PRKG1: variants seen among roughly 807,000 people sequenced by gnomAD.
PRKG1 encodes the protein protein kinase cGMP-dependent 1, also known as cGMP-dependent protein kinase 1.
Under a neutral mutation model 88.1 loss-of-function variants are expected in PRKG1, and 35 were observed. That is an observed-to-expected ratio of 0.40 (90% CI 0.30 to 0.53). The LOEUF is 0.53. PRKG1 is among the 20% of genes least tolerant of loss of function. The probability of loss-of-function intolerance (pLI) is 0.59; values close to 1 mark genes in which losing one functional copy is unlikely to be tolerated. For synonymous variants in PRKG1, 303 were observed against 292.5 expected, an observed-to-expected ratio of 1.04 and a Z score of -0.37; for missense variants, 540 against 839.8, an observed-to-expected ratio of 0.64 and a Z score of 4.41.
chr10:52,193,739 A>C (rs1409960390), intron 9 of PRKG1, among the ~76,000 whole-genome samples: 1 of 152,194 alleles, frequency 6.6e-6, no homozygotes, highest in Non-Finnish European at 1.5e-5. Flanking sequence ...CAAAAGGCAA[A>C]TCTTCCTTTT....
At chr10:52,127,219 G>C (rs1349398738) in intron 7 of PRKG1, among the ~76,000 whole-genome samples, 2 of 152,142 alleles carry the variant, frequency 1.3e-5, no homozygotes, top group African/African-American at 4.8e-5. Flanking sequence ...AATCTTTTGA[G>C]CCTAGGTGAG....
intron 1 of PRKG1, among the ~76,000 whole-genome samples, chr10:51,126,749 G>C (rs1728765857): frequency 6.6e-6 from 1 of 151,904 alleles, no homozygotes; most frequent in African/African-American, 2.4e-5. Flanking sequence ...AAACAGCATG[G>C]TACTGGTACC....
intron 2 of PRKG1, among the ~76,000 whole-genome samples, chr10:51,222,402 G>T (rs1196685470): frequency 6.6e-6 from 1 of 151,900 alleles, no homozygotes; most frequent in Non-Finnish European, 1.5e-5. Context: ...TCATCTTGGT[G>T]GTTTAATTGG....
intron 2 of PRKG1, among the ~76,000 whole-genome samples, chr10:51,430,966 A>G (rs1357545065): frequency 6.6e-6 from 1 of 152,226 alleles, no homozygotes; most frequent in Non-Finnish European, 1.5e-5. Context: ...TGGGCATGAG[A>G]GATCTTTTCT....
intron 2 of PRKG1, among the ~76,000 whole-genome samples, chr10:51,213,016 G>T (rs565962389): frequency 6.6e-6 from 1 of 152,082 alleles, no homozygotes; most frequent in Non-Finnish European, 1.5e-5. Context: ...ACATGCACAC[G>T]TATGTTTATT....
intron 1 of PRKG1, among the ~76,000 whole-genome samples, chr10:51,084,445 T>C (rs1417513975): frequency 6.6e-6 from 1 of 152,200 alleles, no homozygotes; most frequent in Non-Finnish European, 1.5e-5. Flanking sequence ...TACCAAGATA[T>C]ACTACTTTCA....
chr10:52,211,445 G>A lies in PRKG1; in HGVS notation c.1077-40125G>A, dbSNP rs72787314. 8.5e-4 allele frequency among the ~76,000 whole-genome samples: 129 copies of A among 152,188 alleles called. 1 individual carries two copies. Among genetic ancestry groups the A allele is most frequent in the Admixed American group, 3.6e-3 (55 of 15,284 alleles). On this transcript the variant is annotated intron_variant, in intron 9 of 17. Coordinates refer to ENST00000373980, the MANE Select transcript of PRKG1 (RefSeq NM_006258.4). ...AAGGACAGCCTATAACCAGCTGTCCGGTTGTAGGTTTTGTTTGCGAGTTCA... is the reference window on the plus strand; with the variant it reads ...AAGGACAGCCTATAACCAGCTGTCCAGTTGTAGGTTTTGTTTGCGAGTTCA...
At chr10:51,807,298 A>C (rs998602606) in intron 4 of PRKG1, among the ~76,000 whole-genome samples, 1 of 152,168 alleles carries the variant, frequency 6.6e-6, no homozygotes, top group African/African-American at 2.4e-5. Context: ...CATTAAATCA[A>C]ATGTAGGAAC....
At chr10:51,279,580 A>G (rs1202321872) in intron 2 of PRKG1, among the ~76,000 whole-genome samples, 4 of 152,128 alleles carry the variant, frequency 2.6e-5, no homozygotes, top group African/African-American at 9.7e-5. Flanking sequence ...GTGCATATAT[A>G]TTTAGGATAG....
chr10:51,846,975 A>G lies in PRKG1; in HGVS notation c.698+42285A>G, dbSNP rs956725992. Among the ~76,000 whole-genome samples the G allele has an allele frequency of 4.6e-5, 7 of 152,296 alleles. No individual in the cohort carries two copies. The East Asian group carries it at 1.4e-3, about 29-fold the overall frequency. On this transcript the variant is annotated intron_variant, in intron 4 of 17. Coordinates refer to ENST00000373980, the MANE Select transcript of PRKG1 (RefSeq NM_006258.4). ...AGTGATATGAATTCTGAGTTCAGAG[A>G]GCATCTTTAAAAAAATAAAGTAGAT...
rs190594277 is a variant in PRKG1 at position 51,187,992 on chromosome 10, G to T, written c.478+34662G>T. Among the ~76,000 whole-genome samples the T allele has an allele frequency of 9.5e-4, 145 of 152,060 alleles. 1 individual carries two copies. In the Middle Eastern group the frequency reaches 0.017, roughly 18 times the overall value. Reference sequence around the variant, plus strand: ...TTCATTTGTGTCATGGTTCTTATTGGCACAATGCTTTCATGTTTCTGTCCT... The same window carrying T: ...TTCATTTGTGTCATGGTTCTTATTGTCACAATGCTTTCATGTTTCTGTCCT... On this transcript the variant is annotated intron_variant, in intron 2 of 17. Transcript: ENST00000373980.
At chr10:51,884,648 G>A (rs17632249) in intron 4 of PRKG1, among the ~76,000 whole-genome samples, 8,461 of 152,020 alleles carry the variant, frequency 0.056, 291 homozygotes, top group Middle Eastern at 0.1. Context: ...GAGGCCATGC[G>A]TACACTGAAA....
chr10:52,022,652 T>C (rs1443700793), intron 5 of PRKG1, among the ~76,000 whole-genome samples: 1 of 152,186 alleles, frequency 6.6e-6, no homozygotes, highest in Non-Finnish European at 1.5e-5. Context: ...CAATAGTGTA[T>C]GGTATAGCTC....
chr10:51,982,365 T>G (rs1238884726), intron 5 of PRKG1, among the ~76,000 whole-genome samples: 1 of 152,184 alleles, frequency 6.6e-6, no homozygotes. Flanking sequence ...GGTAGCGCAG[T>G]CATTTGAAGG....
At chr10:51,050,173 T>C (rs1843544012) in intron 1 of PRKG1, among the ~76,000 whole-genome samples, 1 of 151,686 alleles carries the variant, frequency 6.6e-6, no homozygotes, top group Admixed American at 6.6e-5. Flanking sequence ...GATAAGGATA[T>C]TTAACATAAT....
chr10:51,238,481 C>G (rs1839059906), intron 2 of PRKG1, among the ~76,000 whole-genome samples: 1 of 152,054 alleles, frequency 6.6e-6, no homozygotes, highest in Admixed American at 6.6e-5. Context: ...ACTCAGGAGG[C>G]TGAGGCAGGA....
intron 9 of PRKG1, among the ~76,000 whole-genome samples, chr10:52,240,183 A>G (rs900723193): frequency 6.6e-6 from 1 of 152,182 alleles, no homozygotes; most frequent in Non-Finnish European, 1.5e-5. Context: ...GGCAGGATCA[A>G]GGTTCACATA....
chr10:52,267,043 TCA>T (rs1841590918), intron 10 of PRKG1, among the ~76,000 whole-genome samples: 3 of 29,662 alleles, frequency 1.0e-4, no homozygotes. Context: ...TGCTAAAAAA[TCA>T]TCATCATCAT....
At chr10:51,122,544 G>C (rs1845284781) in intron 1 of PRKG1, among the ~76,000 whole-genome samples, 1 of 152,112 alleles carries the variant, frequency 6.6e-6, no homozygotes, top group Non-Finnish European at 1.5e-5. Context: ...TAAGGAAACT[G>C]TAATTTCCCA....
Sources: gnomAD v4.1 joint callset for allele counts (sites outside exome capture counted in the v4.1 genomes callset) on GRCh38, gnomAD v4.1.1 for gene constraint, MANE v1.5 for transcripts, NCBI Gene and HGNC (gene_info 2026-07-23, HGNC 2026-07-21) for gene names.